The following THSD7B variants were observed in gnomAD, a reference collection of about 807,000 sequenced individuals.
THSD7B encodes the protein thrombospondin type-1 domain-containing protein 7B.
In THSD7B, 138 loss-of-function variants were observed where a neutral mutation model predicts 213.6. The observed-to-expected ratio is 0.65, with a 90% CI of 0.56 to 0.74. THSD7B has a LOEUF of 0.74. THSD7B is among the 30% of genes least tolerant of loss of function. The pLI, the probability that THSD7B is intolerant of heterozygous loss-of-function variation, is 0.00. For synonymous variants in THSD7B, 742 were observed against 687.0 expected (o/e 1.08, Z -1.25); for missense variants, 1,931 against 1,991.5 (o/e 0.97, Z 0.58).
At chr2:137,336,102 A>G (rs1684632997) in intron 12 of THSD7B, among the ~76,000 whole-genome samples, 2 of 101,178 alleles carry the variant, frequency 2.0e-5, no homozygotes, top group Non-Finnish European at 2.6e-5. Context: ...AGAAGAGGGA[A>G]GTCCACAATT....
intron 15 of THSD7B, among the ~76,000 whole-genome samples, chr2:137,501,411 G>C (rs1679701210): frequency 7.0e-6 from 1 of 141,850 alleles, no homozygotes; most frequent in Non-Finnish European, 1.5e-5. Context: ...TTACATTGAG[G>C]GGTTCTGCAT....
At chr2:137,249,641 A>G (rs1682124344) in intron 10 of THSD7B, among the ~76,000 whole-genome samples, 3 of 152,220 alleles carry the variant, frequency 2.0e-5, no homozygotes, top group Non-Finnish European at 2.9e-5. Context: ...AAGTCTAATC[A>G]TACATGACTA....
intron 2 of THSD7B, among the ~76,000 whole-genome samples, chr2:136,948,311 G>C (rs1684977441): frequency 6.6e-6 from 1 of 152,044 alleles, no homozygotes; most frequent in African/African-American, 2.4e-5. Flanking sequence ...GACCTGTCAG[G>C]CAAGGCCCTT....
intron 2 of THSD7B, among the ~76,000 whole-genome samples, chr2:136,913,151 G>A (rs1353669254): frequency 6.6e-6 from 1 of 152,176 alleles, no homozygotes; most frequent in African/African-American, 2.4e-5. Context: ...CTGGAGCAAA[G>A]GCGACTCTTG....
At chr2:137,343,109 A>AT (rs1476761721) in intron 12 of THSD7B, among the ~76,000 whole-genome samples, 13 of 140,390 alleles carry the variant, frequency 9.3e-5, no homozygotes, top group Non-Finnish European at 1.9e-4. Context: ...CATGAGTTTG[A>AT]TTTTTTTGCA....
At chr2:137,242,595 G>A in intron 10 of THSD7B, 23 bp downstream of exon 10, 1 of 1,564,280 alleles carries the variant, frequency 6.4e-7, no homozygotes, top group East Asian at 2.2e-5. Flanking sequence ...TGCGTTCTTA[G>A]TTCTTTCTTC....
At chr2:137,363,785 T>G (rs984047014) in intron 12 of THSD7B, among the ~76,000 whole-genome samples, 3 of 152,148 alleles carry the variant, frequency 2.0e-5, no homozygotes, top group African/African-American at 7.2e-5. Context: ...CCAGACAGAT[T>G]CAGAGCCGAA....
At chr2:137,314,706 T>C (rs1244458670) in intron 12 of THSD7B, among the ~76,000 whole-genome samples, 2 of 152,182 alleles carry the variant, frequency 1.3e-5, no homozygotes, top group Non-Finnish European at 2.9e-5. Context: ...CCTTTCTGTT[T>C]GTTAGTTTTC....
chr2:137,304,217 T>C (rs536295167), intron 12 of THSD7B, among the ~76,000 whole-genome samples: 38 of 152,158 alleles, frequency 2.5e-4, no homozygotes, highest in Admixed American at 5.2e-4. Flanking sequence ...TTAAAAATAC[T>C]TGGACAAATG....
chr2:136,938,166 C>T (rs1365090670), intron 2 of THSD7B, among the ~76,000 whole-genome samples: 3 of 152,114 alleles, frequency 2.0e-5, no homozygotes, highest in Non-Finnish European at 2.9e-5. Context: ...GTTTGTAGCT[C>T]ACACCTGGAG....
chr2:136,874,427 A>G (rs546206012), intron 1 of THSD7B, among the ~76,000 whole-genome samples: 3 of 152,302 alleles, frequency 2.0e-5, no homozygotes, highest in South Asian at 4.1e-4. Flanking sequence ...AGCCCCGTTG[A>G]TCGGCCATCT....
At chr2:136,782,201 G>A (rs564008542) in intron 1 of THSD7B, among the ~76,000 whole-genome samples, 1 of 152,246 alleles carries the variant, frequency 6.6e-6, no homozygotes, top group South Asian at 2.1e-4. Context: ...TGGTAGAAAG[G>A]GTTTACCTGC....
At chr2:136,903,653 A>G (rs922087073) in intron 2 of THSD7B, among the ~76,000 whole-genome samples, 16 of 152,064 alleles carry the variant, frequency 1.1e-4, no homozygotes, top group Non-Finnish European at 1.5e-4. Context: ...CTTCAACCCA[A>G]AGGATCAGTG....
intron 15 of THSD7B, among the ~76,000 whole-genome samples, chr2:137,488,446 A>G (rs1163682663): frequency 1.3e-5 from 2 of 152,074 alleles, no homozygotes; most frequent in Non-Finnish European, 2.9e-5. Context: ...GTTTCAACTC[A>G]TTGATATAGA....
intron 12 of THSD7B, among the ~76,000 whole-genome samples, chr2:137,399,413 G>A (rs1034579614): frequency 2.6e-5 from 4 of 151,894 alleles, no homozygotes; most frequent in South Asian, 2.1e-4. Context: ...AGCTGGTCTC[G>A]AACTCCTGAC....
chr2:137,226,065 T>G (rs574380001), intron 7 of THSD7B, among the ~76,000 whole-genome samples: 45 of 152,018 alleles, frequency 3.0e-4, no homozygotes, highest in East Asian at 1.7e-3. Context: ...TGCTACTTAC[T>G]CTGTTGATAT....
At chr2:136,896,357 G>C (rs1036433514) in intron 2 of THSD7B, among the ~76,000 whole-genome samples, 1 of 152,068 alleles carries the variant, frequency 6.6e-6, no homozygotes, top group African/African-American at 2.4e-5. Context: ...ATTTTCTTTG[G>C]TGAAATGTTT....
chr2:137,434,006 G>A (rs1687240596), intron 14 of THSD7B, among the ~76,000 whole-genome samples: 1 of 152,086 alleles, frequency 6.6e-6, no homozygotes, highest in African/African-American at 2.4e-5. Flanking sequence ...TCATATATTA[G>A]CTATAACTCT....
At chr2:137,362,300 C>G (rs1282234134) in intron 12 of THSD7B, among the ~76,000 whole-genome samples, 2 of 152,120 alleles carry the variant, frequency 1.3e-5, no homozygotes, top group African/African-American at 4.8e-5. Flanking sequence ...TAAAGACCAT[C>G]GATGCTACAA....
Sources: gnomAD v4.1 joint callset for allele counts (sites outside exome capture counted in the v4.1 genomes callset) on GRCh38, gnomAD v4.1.1 for gene constraint, MANE v1.5 for transcripts, NCBI Gene and HGNC (gene_info 2026-07-23, HGNC 2026-07-21) for gene names.